PLXNA1: variants seen among roughly 807,000 people sequenced by gnomAD.
The protein encoded by PLXNA1 is plexin-A1.
In PLXNA1, 77 loss-of-function variants were observed where a neutral mutation model predicts 191.7. That is an observed-to-expected ratio of 0.40 (90% CI 0.33 to 0.49). PLXNA1 has a LOEUF of 0.49. Among genes scored for constraint, PLXNA1 ranks in the 20% least tolerant of loss-of-function variants. The probability of loss-of-function intolerance (pLI) is 0.63; values close to 1 mark genes in which losing one functional copy is unlikely to be tolerated. For synonymous variants in PLXNA1, 1,137 were observed against 1,156.4 expected (o/e 0.98, Z 0.34); for missense variants, 2,110 against 2,660.2 (o/e 0.79, Z 4.55).
chr3:127,002,748 A>G (rs1265506798), intron 3 of PLXNA1, among the ~76,000 whole-genome samples: 4 of 152,222 alleles, frequency 2.6e-5, no homozygotes, highest in Non-Finnish European at 5.9e-5. Context: ...AGCTGCGGAG[A>G]AGAGCTGGCT....
intron 22 of PLXNA1, 148 bp downstream of exon 22, chr3:127,022,489 C>T (rs1050696010): frequency 1.9e-6 from 2 of 1,039,436 alleles, no homozygotes; most frequent in African/African-American, 1.6e-5. Context: ...GCTCAGCTGC[C>T]ACCTCCCTAG....
intron 1 of PLXNA1, among the ~76,000 whole-genome samples, chr3:126,987,539 G>C (rs899518891): frequency 6.6e-6 from 1 of 152,182 alleles, no homozygotes; most frequent in Non-Finnish European, 1.5e-5. Flanking sequence ...GTGAGGGCCC[G>C]ATGTGGAGCA....
intron 27 of PLXNA1, 72 bp from the exon 28 acceptor site, chr3:127,029,802 G>A: frequency 6.8e-7 from 1 of 1,464,672 alleles, no homozygotes; most frequent in Non-Finnish European, 9.1e-7. Flanking sequence ...CCAGCTTTCA[G>A]ATGGGGAAAC....
At chr3:127,008,238 C>T (rs754393644) in intron 9 of PLXNA1, among the ~76,000 whole-genome samples, 1 of 152,090 alleles carries the variant, frequency 6.6e-6, no homozygotes, top group Non-Finnish European at 1.5e-5. Flanking sequence ...GCTGCAGACA[C>T]GGGCTCCTGG....
intron 9 of PLXNA1, among the ~76,000 whole-genome samples, chr3:127,010,497 C>T (rs929236964): frequency 1.2e-4 from 18 of 152,122 alleles, no homozygotes; most frequent in African/African-American, 3.9e-4. Flanking sequence ...TGGGGAGCAC[C>T]TGAGAGGACC....
intron 4 of PLXNA1, 145 bp downstream of exon 4, chr3:127,003,615 C>T (rs994556447): frequency 1.0e-6 from 1 of 972,826 alleles, no homozygotes. Flanking sequence ...CTGGTCTGTG[C>T]TCTGCCTCCC....
At chr3:127,029,577 C>A (rs749712254) in intron 27 of PLXNA1, 41 bp downstream of exon 27, 1 of 1,591,910 alleles carries the variant, frequency 6.3e-7, no homozygotes, top group South Asian at 1.1e-5. Flanking sequence ...GCGCATGGGT[C>A]CCTGGCCTGG....
chr3:127,010,259 A>G (rs1244317531), intron 9 of PLXNA1, among the ~76,000 whole-genome samples: 1 of 152,094 alleles, frequency 6.6e-6, no homozygotes, highest in Non-Finnish European at 1.5e-5. Flanking sequence ...GCACTGGGGA[A>G]GAGGCTGTAA....
Position 126,988,853 on chromosome 3 carries a change from G to A in PLXNA1, c.260G>A (p.Gly87Asp). ...ACACTGCTGCGGGCCCACGTCACGG[G>A]CCCTGTGGAGGACAACGAGAAGTGC... ...NLTLLRAHVT[G>D]PVEDNEKCYP... Residue 87 changes from glycine (G) to aspartate (D), a missense_variant, in exon 2 of 32, where the codon GGC becomes GAC. Transcript: ENST00000393409. The A allele has an allele frequency of 6.2e-7, 1 of 1,613,450 alleles. No homozygotes were observed. The highest frequency in any genetic ancestry group is 1.7e-5 in the Admixed American group (1 of 60,030).
intron 23 of PLXNA1, chr3:127,027,262 G>T (rs899123961): frequency 4.0e-6 from 1 of 249,252 alleles, no homozygotes; most frequent in Non-Finnish European, 7.9e-6. Context: ...ACAGCGCGGG[G>T]AGCCGGAGGG....
In PLXNA1 at chr3:126,989,491, A is replaced by G. The variant is rs188665900; in HGVS notation, c.898A>G (p.Ile300Val). ...PKFYSYVEFP[I>V]GCEQAGVEYR... ...ATTCTACTCGTACGTTGAGTTCCCC[A>G]TTGGCTGCGAGCAGGCGGGTGTGGA... Residue 300 changes from isoleucine to valine, a missense_variant, in exon 2 of 32, where the codon ATT (isoleucine) becomes GTT (valine). Coordinates refer to ENST00000393409, the MANE Select transcript of PLXNA1 (RefSeq NM_032242.4). The G allele has an allele frequency of 2.3e-5, 37 of 1,613,576 alleles. No individual in the cohort carries two copies. The highest frequency in any genetic ancestry group is 3.1e-5 in the Non-Finnish European group (36 of 1,180,018).
chr3:127,032,621 C>T (rs756162633), intron 30 of PLXNA1, 22 bp downstream of exon 30: 31 of 1,591,644 alleles, frequency 1.9e-5, no homozygotes, highest in East Asian at 6.7e-5. Flanking sequence ...GTGCAGGGGT[C>T]GGGGGCAGGG....
rs1342551865 is a variant in PLXNA1 at position 127,029,184 on chromosome 3, T to G, written c.4773+88T>G. 2.8e-6 allele frequency: 3 copies of G among 1,076,358 alleles called. No individual in the cohort carries two copies. The African/African-American group carries it at 4.7e-5, about 17-fold the overall frequency. 66.7% of individuals were successfully genotyped at this position (1,076,358 alleles called of 1,614,324 possible). On this transcript the variant is annotated intron_variant, in intron 26 of 31. Coordinates refer to ENST00000393409, the MANE Select transcript of PLXNA1 (RefSeq NM_032242.4). ...CCACCAATGTTTGCAGCATGTGGGC[T>G]GGACAGCAGCTGGATCTGTCAGGGA...
At chr3:126,997,904 G>C (rs1384445856) in intron 3 of PLXNA1, among the ~76,000 whole-genome samples, 1 of 152,238 alleles carries the variant, frequency 6.6e-6, no homozygotes, top group East Asian at 1.9e-4. Context: ...ATGCCGTCCT[G>C]TGTGTGCTCG....
intron 3 of PLXNA1, 28 bp downstream of exon 3, chr3:126,991,594 AG>A: frequency 9.0e-7 from 1 of 1,106,246 alleles, no homozygotes. Context: ...TGGGGTGAGG[AG>A]GGGGCTTGGG....
intron 3 of PLXNA1, among the ~76,000 whole-genome samples, chr3:126,998,305 G>A (rs2079024022): frequency 6.6e-6 from 1 of 152,194 alleles, no homozygotes; most frequent in Non-Finnish European, 1.5e-5. Context: ...GGGCCATGGG[G>A]TGGCACTAGG....
In PLXNA1 at chr3:127,015,863, G is replaced by T. The variant is rs531281623; in HGVS notation, c.3014+543G>T. ...TATGCCTGGCTGCCTGCCCAGTGGG[G>T]TGTCCCCGTGACCCCCACCCAGGCC... is the stretch of plus-strand genomic sequence containing the variant. On this transcript the variant is annotated intron_variant, in intron 15 of 31. Transcript: ENST00000393409. 2.6e-5 allele frequency among the ~76,000 whole-genome samples: 4 copies of T among 152,256 alleles called. No individual in the cohort carries two copies. In the South Asian group the frequency reaches 6.2e-4, roughly 24 times the overall value.
rs764283137 is a variant in PLXNA1, at chr3:127,004,980, A to G, written c.1715A>G (p.Asn572Ser). The change falls in exon 6 of 32, where the codon AAT becomes AGT. Residue 572 changes from asparagine (N) to serine (S), a missense_variant. By Grantham distance (46) the Asn-to-Ser change is conservative (BLOSUM62 1). Transcript: ENST00000393409. ...QCVQLTVQPR[N>S]VSVTMSQVPL... is the part of the protein sequence containing the mutation. ...GTGCAGCTGACTGTGCAGCCCCGCA[A>G]TGTGTCTGTCACCATGTCCCAGGTC... The G allele has an allele frequency of 3.1e-6, 5 of 1,609,952 alleles. No individual in the cohort carries two copies. The highest frequency in any genetic ancestry group is 2.2e-5 in the East Asian group (1 of 44,788).
At chr3:127,011,871 G>T (rs2079097275) in intron 9 of PLXNA1, 87 bp from the exon 10 acceptor site, 1 of 1,255,466 alleles carries the variant, frequency 8.0e-7, no homozygotes, top group Non-Finnish European at 1.1e-6. Flanking sequence ...GAGCACCACA[G>T]GCCCAGTGCA....
Sources: gnomAD v4.1 joint callset for allele counts (sites outside exome capture counted in the v4.1 genomes callset) on GRCh38, gnomAD v4.1.1 for gene constraint, MANE v1.5 for transcripts, NCBI Gene and HGNC (gene_info 2026-07-23, HGNC 2026-07-21) for gene names.